SLC7A3: variants seen among roughly 807,000 people sequenced by gnomAD.
SLC7A3 encodes the protein cationic amino acid transporter 3.
In SLC7A3, 3 loss-of-function variants were observed where a neutral mutation model predicts 33.2. The observed-to-expected ratio is 0.09, with a 90% CI of 0.04 to 0.23. SLC7A3 has a LOEUF of 0.23. Ranked by LOEUF, SLC7A3 falls within the 10% of genes least tolerant of loss-of-function variation. The probability of loss-of-function intolerance (pLI) is 1.00; values close to 1 mark genes in which losing one functional copy is unlikely to be tolerated. For missense variants in SLC7A3, 360 were observed against 488.8 expected (o/e 0.74, Z 2.48); for synonymous variants, 193 against 195.1 (o/e 0.99, Z 0.09).
rs755732942 is a variant in SLC7A3 at position 70,926,667 on chromosome X, C to A, written c.1480G>T (p.Val494Leu). ...LAVLLTALCLVLAQWSVPLLS... is the reference protein window; with the variant it reads ...LAVLLTALCLLLAQWSVPLLS... ...AATGGAACTGACCACTGGGCCAGCACCAGGCAAAGAGCAGTCAGCAGGACA... is the reference window on the plus strand; with the variant it reads ...AATGGAACTGACCACTGGGCCAGCAACAGGCAAAGAGCAGTCAGCAGGACA... Residue 494 changes from valine (V) to leucine (L), a missense_variant, in exon 10 of 12, where the codon GTG (valine) becomes TTG (leucine). Coordinates refer to ENST00000374299, the MANE Select transcript of SLC7A3 (RefSeq NM_032803.6). 1.7e-6 allele frequency: 2 copies of A among 1,190,168 alleles called. No homozygotes were observed. The highest frequency in any genetic ancestry group is 2.3e-6 in the Non-Finnish European group (2 of 885,238).
At chrX:70,930,914 C>G (rs1159455543) in intron 1 of SLC7A3, 63 bp downstream of exon 1, 2 of 111,657 alleles carry the variant, frequency 1.8e-5, no homozygotes, top group African/African-American at 6.5e-5. Context: ...GCCAGAGAAT[C>G]CTAGGTACGC....
intron 2 of SLC7A3, 133 bp from the exon 3 acceptor site, chrX:70,929,135 G>T: frequency 3.1e-6 from 2 of 643,965 alleles, no homozygotes; most frequent in Non-Finnish European, 4.7e-6. Context: ...CTGTCACCCA[G>T]GATGGAGTGC....
In SLC7A3 at chrX:70,925,907, C is replaced by G. The variant is rs149447856; in HGVS notation, c.1766G>C (p.Ser589Thr). The G allele has an allele frequency of 2.7e-3, 3,289 of 1,209,657 alleles. 7 individuals are homozygous for G. The highest frequency in any genetic ancestry group is 0.012 in the Middle Eastern group (54 of 4,352). ...TTGGTTACTCTTAATCTCTTCCAGGCTGTGCTGGATCCCATAGCCGAAGTA... is the reference window on the plus strand; with the variant it reads ...TTGGTTACTCTTAATCTCTTCCAGGGTGTGCTGGATCCCATAGCCGAAGTA... ...AIYFGYGIQH[S>T]LEEIKSNQPS... The change falls in exon 12 of 12, where the codon AGC (serine) becomes ACC (threonine). Residue 589 changes from serine (S) to threonine (T), a missense_variant. Transcript: ENST00000374299.
Position 70,927,785 on chromosome X carries a change from A to G in SLC7A3, c.1043+13T>C, listed in dbSNP as rs573858974. On this transcript the variant is annotated intron_variant, in intron 6 of 11. Transcript: ENST00000374299. ...ACTCTGACAGCAGAAGAAAACAAAC[A>G]TTTGATACTGACCTGGTAGAAAGAG... 87 of 1,170,238 alleles carry G rather than the reference A, an allele frequency of 7.4e-5. No homozygotes were observed. The South Asian group carries it at 1.6e-3, about 21-fold the overall frequency.
At chrX:70,929,487 C>G (rs888648365) in intron 2 of SLC7A3, 141 bp downstream of exon 2, 10 of 715,962 alleles carry the variant, frequency 1.4e-5, no homozygotes, top group South Asian at 6.9e-5. Context: ...TTCAACACCC[C>G]CCCCCAGACC....
intron 10 of SLC7A3, 45 bp from the exon 11 acceptor site, chrX:70,926,223 C>T: frequency 9.2e-7 from 1 of 1,086,816 alleles, no homozygotes; most frequent in Middle Eastern, 2.5e-4. Context: ...ACAGGTTGAC[C>T]TAGAAAGAGA....
In SLC7A3 at chrX:70,927,042, C is replaced by G; in HGVS notation, c.1287-1G>C. ...CTTTGTCTCCTGATCAGGTTGATAC[C>G]TGAGGCAAAAGTAAGATGGCAGTAT... On this transcript the variant is annotated splice_acceptor_variant, in intron 8 of 11. Transcript: ENST00000374299. LOFTEE classifies it high-confidence loss of function. 8.3e-7 allele frequency: 1 copy of G among 1,201,813 alleles called. No individual in the cohort carries two copies. The highest frequency in any genetic ancestry group is 1.1e-6 in the Non-Finnish European group (1 of 891,965).
rs2091898764 is a variant in SLC7A3 at position 70,927,105 on chromosome X, G to A, written c.1287-64C>T. The A allele has an allele frequency of 3.5e-6, 4 of 1,150,496 alleles. No homozygotes were observed. In the African/African-American group the frequency reaches 7.2e-5, roughly 21 times the overall value. The allele number at this position is 1,150,496 out of a possible 1,213,427, so 94.8% of individuals were successfully genotyped here. On this transcript the variant is annotated intron_variant, in intron 8 of 11. Coordinates refer to ENST00000374299, the MANE Select transcript of SLC7A3 (RefSeq NM_032803.6). ...TTACTCACTTTATCATCTTCTCCCAGGCAGCTTAACCTTCCTCATCACCAT... is the reference window on the plus strand; with the variant it reads ...TTACTCACTTTATCATCTTCTCCCAAGCAGCTTAACCTTCCTCATCACCAT...
In SLC7A3 at chrX:70,928,530, C is replaced by G; in HGVS notation, c.633G>C (p.Lys211Asn). 8.3e-7 allele frequency: 1 copy of G among 1,206,460 alleles called. No homozygotes were observed. The highest frequency in any genetic ancestry group is 1.1e-6 in the Non-Finnish European group (1 of 892,897). ...LGFVMISGFV[K>N]GDVHNWKLTE... ...TGAGCTTCCAGTTGTGCACGTCCCC[C>G]TTAACGAAGCCAGAGATCATGACGA... Residue 211 changes from lysine to asparagine, a missense_variant, in exon 4 of 12, where the codon AAG becomes AAC. By Grantham distance (94) the Lys-to-Asn change is moderately conservative. Coordinates refer to ENST00000374299, the MANE Select transcript of SLC7A3 (RefSeq NM_032803.6).
At chrX:70,926,714 G>A (rs1024540643) in intron 9 of SLC7A3, 21 bp from the exon 10 acceptor site, 3 of 1,178,854 alleles carry the variant, frequency 2.5e-6, no homozygotes, top group Non-Finnish European at 3.4e-6. Flanking sequence ...CAAGTTGAGA[G>A]ACATCAAAAC....
At chrX:70,926,232 G>C (rs748142255) in intron 10 of SLC7A3, 54 bp from the exon 11 acceptor site, 1 of 1,045,441 alleles carries the variant, frequency 9.6e-7, no homozygotes, top group Non-Finnish European at 1.3e-6. Context: ...CCTAGAAAGA[G>C]ATCCCTATCC....
intron 3 of SLC7A3, 42 bp downstream of exon 3, chrX:70,928,802 C>T: frequency 8.3e-7 from 1 of 1,203,388 alleles, no homozygotes; most frequent in African/African-American, 1.7e-5. Context: ...ACTAGCCCCT[C>T]CTGGCCCAAC....
intron 1 of SLC7A3, 68 bp downstream of exon 1, chrX:70,930,909 A>ATGGTT (rs1427806577): frequency 1.8e-5 from 2 of 111,774 alleles, no homozygotes; most frequent in African/African-American, 6.5e-5. Context: ...TGGTTGCCAG[A>ATGGTT]GAATCCTAGG....
chrX:70,927,168 T>G, intron 8 of SLC7A3, 114 bp downstream of exon 8: 1 of 1,064,224 alleles, frequency 9.4e-7, no homozygotes, highest in Non-Finnish European at 1.3e-6. Context: ...GATACCCAGA[T>G]TCCTCAAAGA....
In SLC7A3 at chrX:70,928,097, GGCACACAC is replaced by G. The variant is rs759376763; in HGVS notation, c.820+40_820+47del. The G allele has an allele frequency of 5.1e-6, 6 of 1,187,582 alleles. No homozygotes were observed. The African/African-American group carries it at 8.8e-5, about 17-fold the overall frequency. On this transcript the variant is annotated intron_variant, in intron 5 of 11. Transcript: ENST00000374299. ...CCACCCCCAGTCTGCATACAGCCTG[GGCACACAC>G]TGTGCCCAAGCCCCAAACAGAATGG...
At position 70,928,130 on chromosome X, in the gene SLC7A3, G is replaced by A. The variant is rs1470805797; in HGVS notation, c.820+15C>T. The A allele has an allele frequency of 8.3e-7, 1 of 1,198,374 alleles. No homozygotes were observed. Among genetic ancestry groups the A allele is most frequent in the Non-Finnish European group, 1.1e-6 (1 of 885,028 alleles). ...CTGTGCCCAAGCCCCAAACAGAATG[G>A]AATGACTGTGTTACCAGTGGTAGCA... On this transcript the variant is annotated intron_variant, in intron 5 of 11. Coordinates refer to ENST00000374299, the MANE Select transcript of SLC7A3 (RefSeq NM_032803.6).
At position 70,927,620 on chromosome X, in the gene SLC7A3, G is replaced by A; in HGVS notation, c.1047C>T (p.Leu349=). ...VGSLCALSTS[L]LGSMFPMPRV... is the part of the protein sequence containing the mutation. ...GAGGCATGGGGAACATGGAGCCCAG[G>A]AGGCTGGAGAGGAGAATGCCCAGGG... The change falls in exon 7 of 12, where the codon CTC becomes CTT. Residue 349 remains leucine (L), a synonymous_variant. Coordinates refer to ENST00000374299, the MANE Select transcript of SLC7A3 (RefSeq NM_032803.6). 6.6e-6 allele frequency: 8 copies of A among 1,208,319 alleles called. No homozygotes were observed. The highest frequency in any genetic ancestry group is 8.9e-6 in the Non-Finnish European group (8 of 893,935).
chrX:70,926,767 C>T (rs751557831), intron 9 of SLC7A3, 74 bp from the exon 10 acceptor site: 4 of 1,154,518 alleles, frequency 3.5e-6, no homozygotes, highest in Non-Finnish European at 4.6e-6. Context: ...AAACCCTGTT[C>T]CAAGGAGAGT....
intron 1 of SLC7A3, among the ~76,000 whole-genome samples, 194 bp from the exon 2 acceptor site, chrX:70,930,216 C>T (rs1569467876): frequency 8.9e-6 from 1 of 111,916 alleles, no homozygotes; most frequent in South Asian, 3.7e-4. Context: ...CAATACCTTA[C>T]AAGGTTTTTG....
Sources: allele counts gnomAD v4.1 joint callset (sites outside exome capture counted in the v4.1 genomes callset), GRCh38; gene constraint gnomAD v4.1.1; transcripts MANE v1.5; gene names NCBI Gene and HGNC (gene_info 2026-07-23, HGNC 2026-07-21).